The following MRPL2 variants were observed in gnomAD, a reference collection of about 807,000 sequenced individuals.
The protein encoded by MRPL2 is mitochondrial ribosomal protein L2, also known as large ribosomal subunit protein uL2m.
MRPL2 carries 27 observed loss-of-function variants against 34.6 expected under a neutral mutation model. The ratio of observed to expected loss-of-function variants is 0.78; its 90% CI spans 0.58 to 1.08. The LOEUF (loss-of-function observed/expected upper bound fraction) is 1.08. Among genes scored for constraint, MRPL2 ranks in the 50% least tolerant of loss-of-function variants. The pLI, the probability that MRPL2 is intolerant of heterozygous loss-of-function variation, is 0.00. For missense variants in MRPL2, 414 were observed against 419.3 expected, an observed-to-expected ratio of 0.99 and a Z score of 0.11; for synonymous variants, 155 against 158.0, an observed-to-expected ratio of 0.98 and a Z score of 0.14.
rs1052801043 is a variant in MRPL2, at chr6:43,059,361, G to T, written c.21C>A (p.Thr7=). Residue 7 remains threonine (T), a synonymous_variant, in exon 1 of 7, where the codon ACC becomes ACA. Coordinates refer to ENST00000388752, the MANE Select transcript of MRPL2 (RefSeq NM_015950.5). The part of the protein sequence containing the change: MALCAL[T]RALRSLNLAP... ...CCAGGTTCAGAGAGCGCAGAGCGCG[G>T]GTCAGTGCGCACAGGGCCATCAGCA... 8 of 1,552,062 alleles carry T rather than the reference G, an allele frequency of 5.2e-6. No homozygotes were observed. The highest frequency in any genetic ancestry group is 7.0e-6 in the Non-Finnish European group (8 of 1,147,442).
upstream of MRPL2, chr6:43,059,469 A>C (rs1397540175): frequency 5.5e-6 from 8 of 1,458,608 alleles, no homozygotes; most frequent in Non-Finnish European, 7.3e-6. Flanking sequence ...AATAACGTAA[A>C]AGGAGGCGGG....
At chr6:43,056,592 T>A in intron 2 of MRPL2, 147 bp from the exon 3 acceptor site, 3 of 801,930 alleles carry the variant, frequency 3.7e-6, no homozygotes, top group South Asian at 1.8e-5. Flanking sequence ...CACACTGGAG[T>A]AAGGAGGGGC....
Position 43,054,349 on chromosome 6 carries a change from C to T in MRPL2, c.843G>A (p.Trp281Ter). The T allele has an allele frequency of 1.2e-6, 2 of 1,614,164 alleles. No individual in the cohort carries two copies. The highest frequency in any genetic ancestry group is 1.7e-6 in the Non-Finnish European group (2 of 1,180,024). The change falls in exon 7 of 7, where the codon TGG (tryptophan) becomes TGA (stop). Residue 281 changes from tryptophan (W) to a stop codon, truncating the protein, a stop_gained. Coordinates refer to ENST00000388752, the MANE Select transcript of MRPL2 (RefSeq NM_015950.5). LOFTEE classifies it high-confidence loss of function. ...GTAGTGGCCGAATCTTTCGGCCAGC[C>T]CAGCCCCCCTTGCGGTGCCACCGCC... ...NSGRWHRKGG[W>*]AGRKIRPLPP...
intron 6 of MRPL2, among the ~76,000 whole-genome samples, chr6:43,055,098 C>T (rs1455997376): frequency 2.0e-5 from 3 of 151,466 alleles, no homozygotes; most frequent in African/African-American, 2.4e-5. Context: ...GGTGTGGTGG[C>T]TCACTCCTGT....
chr6:43,056,247 T>C (rs765310145), intron 3 of MRPL2, 51 bp from the exon 4 acceptor site: 2 of 1,612,458 alleles, frequency 1.2e-6, no homozygotes, highest in Non-Finnish European at 1.7e-6. Flanking sequence ...GCCCCACATC[T>C]TCTGAGAAGC....
Position 43,054,376 on chromosome 6 carries a change from A to T in MRPL2, c.816T>A (p.Ser272Arg), listed in dbSNP as rs764222404. 1 of 1,614,080 alleles carries T rather than the reference A, an allele frequency of 6.2e-7. No homozygotes were observed. Among genetic ancestry groups the T allele is most frequent in the Admixed American group, 1.7e-5 (1 of 60,006 alleles). The change falls in exon 7 of 7, where the codon AGT becomes AGA. Residue 272 changes from serine (S) to arginine (R), a missense_variant. Transcript: ENST00000388752. ...AGCCCCCCTTGCGGTGCCACCGCCCACTGTTAGGCCTCTTGCCCAGCCAGC... is the reference window on the plus strand; with the variant it reads ...AGCCCCCCTTGCGGTGCCACCGCCCTCTGTTAGGCCTCTTGCCCAGCCAGC... ...RNRWLGKRPN[S>R]GRWHRKGGWA...
intron 5 of MRPL2, 132 bp from the exon 6 acceptor site, chr6:43,055,750 A>C: frequency 1.6e-6 from 2 of 1,272,620 alleles, no homozygotes; most frequent in Non-Finnish European, 2.2e-6. Context: ...GACGCATGCT[A>C]TGTTTTAGGT....
chr6:43,059,203 G>A (rs1288606555), intron 1 of MRPL2, 83 bp downstream of exon 1: 48 of 1,550,632 alleles, frequency 3.1e-5, no homozygotes, highest in Non-Finnish European at 4.1e-5. Context: ...GACCAGACTC[G>A]CAACTCCCGC....
At chr6:43,058,979 A>T in intron 1 of MRPL2, 1 of 677,256 alleles carries the variant, frequency 1.5e-6, no homozygotes, top group Non-Finnish European at 2.4e-6. Flanking sequence ...ATTTGAAAGG[A>T]GTTCATTTAT....
chr6:43,059,845 AGACAGATAGACAGAC>A, upstream of MRPL2: 11 of 1,166,524 alleles, frequency 9.4e-6, no homozygotes, highest in Non-Finnish European at 1.2e-5. Flanking sequence ...CTCGGCGTCC[AGACAGATAGACAGAC>A]GACCTGCCCC....
chr6:43,056,632 C>A (rs1366526254), intron 2 of MRPL2, among the ~76,000 whole-genome samples, 187 bp from the exon 3 acceptor site: 2 of 152,194 alleles, frequency 1.3e-5, no homozygotes, highest in African/African-American at 4.8e-5. Flanking sequence ...GTGAAAAAAA[C>A]ATTATATGAT....
At chr6:43,056,952 C>T (rs537371265) in intron 2 of MRPL2, among the ~76,000 whole-genome samples, 10 of 152,280 alleles carry the variant, frequency 6.6e-5, no homozygotes, top group Admixed American at 2.0e-4. Context: ...GGATTACAGG[C>T]GTGAGCCACT....
In MRPL2 at chr6:43,056,306, C is replaced by A; in HGVS notation, c.404+1G>T. 1 of 1,614,164 alleles carries A rather than the reference C, an allele frequency of 6.2e-7. No individual in the cohort carries two copies. Among genetic ancestry groups the A allele is most frequent in the Non-Finnish European group, 8.5e-7 (1 of 1,180,030 alleles). ...ATCATCATCCCACATCCCAAACTTG[C>A]CTACAGGGATCATAGCGGACTTGGA... is the stretch of plus-strand genomic sequence containing the variant. On this transcript the variant is annotated splice_donor_variant, in intron 3 of 6. Transcript: ENST00000388752. LOFTEE classifies it high-confidence loss of function.
chr6:43,054,219 C>A lies in MRPL2; in HGVS notation c.*55G>T. The A allele has an allele frequency of 2.4e-6, 3 of 1,246,960 alleles. No homozygotes were observed. The highest frequency in any genetic ancestry group is 1.6e-5 in the African/African-American group (1 of 62,952). 77.2% of individuals were successfully genotyped at this position (1,246,960 alleles called of 1,614,324 possible). ...AAAACAAAAAACACCCAAAACAAAA[C>A]CACAGTAACAGATTAAAACGGGGGG... On this transcript the variant is annotated 3_prime_UTR_variant, in exon 7 of 7. Transcript: ENST00000388752.
intron 2 of MRPL2, chr6:43,057,564 G>A (rs1489462391): frequency 6.5e-6 from 1 of 154,328 alleles, no homozygotes; most frequent in African/African-American, 2.4e-5. Context: ...GGCTGGTCTT[G>A]AATTCCTGGC....
At chr6:43,055,789 GT>G in intron 5 of MRPL2, 107 bp downstream of exon 5, 1 of 1,282,022 alleles carries the variant, frequency 7.8e-7, no homozygotes, top group Non-Finnish European at 1.1e-6. Context: ...TCATCCTCAT[GT>G]TTGTTTTTTC....
rs1764847957 is a variant in MRPL2 at position 43,055,724 on chromosome 6, C to A, written c.632-106G>T. The A allele has an allele frequency of 2.9e-6, 4 of 1,377,678 alleles. No individual in the cohort carries two copies. In the South Asian group the frequency reaches 3.7e-5, roughly 13 times the overall value. 85.3% of individuals were successfully genotyped at this position (1,377,678 alleles called of 1,614,324 possible). ...CTGCCCTTGCTTTGCTCTTTAGGAGCAGATACACAAAGAAGGACGCATGCT... is the reference window on the plus strand; with the variant it reads ...CTGCCCTTGCTTTGCTCTTTAGGAGAAGATACACAAAGAAGGACGCATGCT... On this transcript the variant is annotated intron_variant, in intron 5 of 6. Coordinates refer to ENST00000388752, the MANE Select transcript of MRPL2 (RefSeq NM_015950.5).
At chr6:43,059,730 C>A, upstream of MRPL2, 1 of 1,253,908 alleles carries the variant, frequency 8.0e-7, no homozygotes, top group Non-Finnish European at 1.0e-6. Flanking sequence ...AAGGTCTCTG[C>A]CATCTCTTAT....
intron 2 of MRPL2, among the ~76,000 whole-genome samples, chr6:43,056,831 C>T (rs1237546897): frequency 2.6e-5 from 4 of 151,982 alleles, no homozygotes; most frequent in Admixed American, 1.3e-4. Context: ...CCCACCACCA[C>T]GCCCAGCTAA....
Sources: allele counts gnomAD v4.1 joint callset (sites outside exome capture counted in the v4.1 genomes callset), GRCh38; gene constraint gnomAD v4.1.1; transcripts MANE v1.5; gene names NCBI Gene and HGNC (gene_info 2026-07-23, HGNC 2026-07-21).